RELN: variants seen among roughly 807,000 people sequenced by gnomAD.
RELN encodes reelin.
Under a neutral mutation model 427.6 loss-of-function variants are expected in RELN, and 108 were observed. The ratio of observed to expected loss-of-function variants is 0.25; its 90% confidence interval spans 0.22 to 0.30. RELN has a LOEUF of 0.30. Ranked by LOEUF, RELN falls within the 10% of genes least tolerant of loss-of-function variation. RELN has a pLI of 1.00. For missense variants in RELN, 3,715 were observed against 4,302.8 expected (o/e 0.86, Z 3.82); for synonymous variants, 1,524 against 1,513.4 (o/e 1.01, Z -0.16).
At chr7:103,530,151 T>C (rs1360478155) in intron 46 of RELN, among the ~76,000 whole-genome samples, 1 of 152,218 alleles carries the variant, frequency 6.6e-6, no homozygotes, top group African/African-American at 2.4e-5. Flanking sequence ...TCTTCATGTC[T>C]CTGTCAAATG....
rs1281884861 is a variant in RELN at position 103,661,613 on chromosome 7, C to T, written c.1290-86G>A. The T allele has an allele frequency of 4.3e-6, 5 of 1,165,328 alleles. No homozygotes were observed. The Admixed American group carries it at 5.7e-5, about 13-fold the overall frequency. 72.2% of individuals were successfully genotyped at this position (1,165,328 alleles called of 1,614,324 possible). On this transcript the variant is annotated intron_variant, in intron 11 of 64. Transcript: ENST00000428762. ...ATAACATTTAGTTTTTAGTGAGGGA[C>T]ACTTACTTACTTAGTAATGAATAAT... is the stretch of plus-strand genomic sequence containing the variant.
chr7:103,658,800 T>C (rs1266723622), intron 12 of RELN, among the ~76,000 whole-genome samples: 1 of 151,882 alleles, frequency 6.6e-6, no homozygotes, highest in Non-Finnish European at 1.5e-5. Flanking sequence ...CTTATCCTGG[T>C]TGATCTCTCT....
At chr7:103,485,827 T>C (rs935229596) in intron 61 of RELN, among the ~76,000 whole-genome samples, 2 of 152,236 alleles carry the variant, frequency 1.3e-5, no homozygotes, top group African/African-American at 4.8e-5. Flanking sequence ...ATGTTTGCAT[T>C]GCTACAAATT....
At chr7:103,966,740 G>A (rs1031148559) in intron 1 of RELN, among the ~76,000 whole-genome samples, 1 of 152,162 alleles carries the variant, frequency 6.6e-6, no homozygotes, top group Non-Finnish European at 1.5e-5. Context: ...AACAGATACT[G>A]AATGAATAAA....
Position 103,563,316 on chromosome 7 carries a change from T to C in RELN, c.5211-1363A>G, listed in dbSNP as rs1265892358. On this transcript the variant is annotated intron_variant, in intron 34 of 64. Transcript: ENST00000428762. The surrounding 1 kb of genome is among the most constrained non-coding windows in gnomAD (Gnocchi z 4.1). ...TCTGAAAAAAAATTCCTATTGCTAA[T>C]TGACATCTTGATGATTCTGACCTTG... Among the ~76,000 whole-genome samples the C allele has an allele frequency of 6.6e-6, 1 of 152,234 alleles. No individual in the cohort carries two copies. The highest frequency in any genetic ancestry group is 1.5e-5 in the Non-Finnish European group (1 of 68,038).
chr7:103,500,987 T>C (rs1829007603), intron 52 of RELN, 65 bp from the exon 53 acceptor site: 2 of 1,417,306 alleles, frequency 1.4e-6, no homozygotes, highest in Admixed American at 3.4e-5. Context: ...TCCATTGTCC[T>C]GCATGTGTAT....
intron 52 of RELN, among the ~76,000 whole-genome samples, chr7:103,501,362 G>A (rs911892072): frequency 6.6e-6 from 1 of 152,080 alleles, no homozygotes; most frequent in Non-Finnish European, 1.5e-5. Context: ...TCAGGCGGTC[G>A]GGAGGCAGCA....
rs1364342094 is a variant in RELN at position 103,491,888 on chromosome 7, ACACACAC to A, written c.9443+58_9443+64del. On this transcript the variant is annotated intron_variant, in intron 58 of 64. Coordinates refer to ENST00000428762, the MANE Select transcript of RELN (RefSeq NM_005045.4). ...CACACACACACACACACACACACAC[ACACACAC>A]AACGATTTGGATGGGGTATTCAAGT... 1.0e-3 allele frequency: 1,004 copies of A among 974,462 alleles called. 8 individuals are homozygous for A. The African/African-American group carries it at 0.016, about 15-fold the overall frequency. 60.4% of individuals were successfully genotyped at this position (974,462 alleles called of 1,614,324 possible).
At chr7:103,857,831 A>T (rs1793981690) in intron 2 of RELN, among the ~76,000 whole-genome samples, 1 of 152,068 alleles carries the variant, frequency 6.6e-6, no homozygotes, top group African/African-American at 2.4e-5. Flanking sequence ...CAGTTGTCCT[A>T]CTCCATGAAA....
intron 2 of RELN, among the ~76,000 whole-genome samples, chr7:103,906,532 T>C (rs985317470): frequency 6.8e-5 from 6 of 88,486 alleles, no homozygotes; most frequent in East Asian, 2.5e-4. Flanking sequence ...GGCAGCATTC[T>C]GACTCTCTCT....
chr7:103,685,355 C>T (rs118152132), intron 10 of RELN, among the ~76,000 whole-genome samples: 2,824 of 152,108 alleles, frequency 0.019, 33 homozygotes, highest in South Asian at 0.031. Flanking sequence ...TTGTAAGATA[C>T]ATGAGCTCTT....
At chr7:103,666,228 C>T (rs1368164730) in intron 11 of RELN, among the ~76,000 whole-genome samples, 1 of 151,842 alleles carries the variant, frequency 6.6e-6, no homozygotes, top group Non-Finnish European at 1.5e-5. Flanking sequence ...ACCACCATGC[C>T]CAGGTAATTT....
intron 27 of RELN, among the ~76,000 whole-genome samples, chr7:103,591,111 A>G (rs1831406563): frequency 6.6e-6 from 1 of 152,244 alleles, no homozygotes; most frequent in African/African-American, 2.4e-5. Flanking sequence ...GAATTTTATT[A>G]CACTTTTCAT....
chr7:103,747,875 AG>A (rs1458821270), intron 6 of RELN, among the ~76,000 whole-genome samples: 1 of 152,132 alleles, frequency 6.6e-6, no homozygotes, highest in Non-Finnish European at 1.5e-5. Flanking sequence ...TGGTCAAGAA[AG>A]CATCTATCAG....
chr7:103,492,444 A>C (rs1251250465), intron 57 of RELN, among the ~76,000 whole-genome samples: 1 of 152,218 alleles, frequency 6.6e-6, no homozygotes, highest in Non-Finnish European at 1.5e-5. Flanking sequence ...AATTTTAATT[A>C]CTTAATATTC....
chr7:103,706,720 T>C (rs941737723), intron 8 of RELN, among the ~76,000 whole-genome samples: 1 of 152,014 alleles, frequency 6.6e-6, no homozygotes, highest in Non-Finnish European at 1.5e-5. Flanking sequence ...CTGCTTCTAC[T>C]CAGGCTCATG....
chr7:103,889,013 C>T (rs897703618), intron 2 of RELN, among the ~76,000 whole-genome samples: 2 of 152,164 alleles, frequency 1.3e-5, no homozygotes, highest in East Asian at 3.9e-4. Context: ...GCAGAGGACT[C>T]ATGCACTGCA....
chr7:103,520,957 ATTTTTTTTTTTT>A (rs55830035), intron 48 of RELN, among the ~76,000 whole-genome samples: 17 of 79,182 alleles, frequency 2.1e-4, no homozygotes, highest in South Asian at 4.5e-4. Context: ...TAAATTTGTT[ATTTTTTTTTTTT>A]TTTTTTTTTT....
At position 103,472,147 on chromosome 7, in the gene RELN, T is replaced by G. The variant is rs1827879940; in HGVS notation, c.*665A>C. 1 of 152,562 alleles carries G rather than the reference T, an allele frequency of 6.6e-6. No homozygotes were observed. The highest frequency in any genetic ancestry group is 6.5e-5 in the Admixed American group (1 of 15,288). The allele number at this position is 152,562 out of a possible 1,614,324, so 9.5% of individuals were successfully genotyped here. A position where few individuals can be genotyped will look rare whatever the true frequency, so the allele number is the denominator to read the frequency against. On this transcript the variant is annotated 3_prime_UTR_variant, in exon 65 of 65. Coordinates refer to ENST00000428762, the MANE Select transcript of RELN (RefSeq NM_005045.4). ...TCCACAATTTAAAGTAGAAAATATT[T>G]CAGGGTCAAGCATTTTTCTTATCCA...
Sources: gnomAD v4.1 joint callset for allele counts (sites outside exome capture counted in the v4.1 genomes callset) on GRCh38, gnomAD v4.1.1 for gene constraint, Gnocchi (gnomAD v3.1) non-coding constraint, MANE v1.5 for transcripts, NCBI Gene and HGNC (gene_info 2026-07-23, HGNC 2026-07-21) for gene names.